The following ERC2 variants were observed in gnomAD, a reference collection of about 807,000 sequenced individuals.
ERC2 encodes ELKS/RAB6-interacting/CAST family member 2, also known as ERC protein 2.
In ERC2, 42 loss-of-function variants were observed where a neutral mutation model predicts 114.8. The observed-to-expected ratio is 0.37, with a 90% CI of 0.29 to 0.47. The LOEUF (loss-of-function observed/expected upper bound fraction) is 0.47, where lower values mean the gene tolerates loss of function less well. ERC2 is among the 20% of genes least tolerant of loss of function. The probability of loss-of-function intolerance (pLI) is 0.99; values close to 1 mark genes in which losing one functional copy is unlikely to be tolerated. For synonymous variants in ERC2, 454 were observed against 425.5 expected (o/e 1.07, Z -0.82); for missense variants, 939 against 1,150.7 (o/e 0.82, Z 2.66).
intron 17 of ERC2, among the ~76,000 whole-genome samples, chr3:55,587,739 G>A (rs1046107379): frequency 6.6e-6 from 1 of 152,188 alleles, no homozygotes; most frequent in Non-Finnish European, 1.5e-5. Context: ...TGCCTGCTGA[G>A]CTGGTGATAA....
Position 55,862,469 on chromosome 3 carries a change from A to T in ERC2, c.2564+25920T>A, listed in dbSNP as rs994335336. 2.6e-5 allele frequency among the ~76,000 whole-genome samples: 4 copies of T among 152,316 alleles called. No homozygotes were observed. In the South Asian group the frequency reaches 8.3e-4, roughly 32 times the overall value. ...AGAGCTGTGGCAGAAATTTTGCAAC[A>T]TGAAGACAAAAGCTGGCTATAACAG... On this transcript the variant is annotated intron_variant, in intron 14 of 17. Coordinates refer to ENST00000288221, the MANE Select transcript of ERC2 (RefSeq NM_015576.3).
At chr3:55,539,044 A>C (rs1265625188) in intron 17 of ERC2, among the ~76,000 whole-genome samples, 1 of 152,226 alleles carries the variant, frequency 6.6e-6, no homozygotes, top group Non-Finnish European at 1.5e-5. Context: ...TAATTACATA[A>C]TTTTCTGCAT....
chr3:56,435,392 C>G (rs975713686), intron 1 of ERC2, among the ~76,000 whole-genome samples: 3 of 152,056 alleles, frequency 2.0e-5, no homozygotes, highest in African/African-American at 4.8e-5. Flanking sequence ...TAAAAATTCT[C>G]AAAGTGAAAA....
intron 17 of ERC2, among the ~76,000 whole-genome samples, chr3:55,583,925 G>A (rs1278502008): frequency 2.0e-5 from 3 of 152,030 alleles, no homozygotes; most frequent in East Asian, 1.9e-4. Context: ...TAGGAGTCAA[G>A]CTCCCAAGAC....
chr3:56,452,665 A>G (rs2062873688), intron 1 of ERC2, among the ~76,000 whole-genome samples: 2 of 152,202 alleles, frequency 1.3e-5, no homozygotes, highest in Admixed American at 1.3e-4. Flanking sequence ...AGTCTGAGAA[A>G]CCTTGGTTAA....
intron 2 of ERC2, among the ~76,000 whole-genome samples, chr3:56,312,092 G>A (rs13100994): frequency 0.023 from 3,478 of 152,142 alleles, 64 homozygotes; most frequent in Non-Finnish European, 0.038. Context: ...GCAATACTAC[G>A]CCATTTTATG....
intron 4 of ERC2, among the ~76,000 whole-genome samples, chr3:56,150,323 A>G (rs1453233773): frequency 6.6e-6 from 1 of 152,132 alleles, no homozygotes; most frequent in Non-Finnish European, 1.5e-5. Context: ...TTATTTTCCT[A>G]TAATCTATGC....
chr3:56,148,089 C>T (rs566953185), intron 5 of ERC2, among the ~76,000 whole-genome samples: 1 of 152,200 alleles, frequency 6.6e-6, no homozygotes, highest in South Asian at 2.1e-4. Context: ...GATACTTAAT[C>T]AGACAAGGGA....
intron 6 of ERC2, among the ~76,000 whole-genome samples, chr3:56,114,739 G>T (rs9874507): frequency 0.17 from 25,312 of 152,108 alleles, 2,279 homozygotes; most frequent in African/African-American, 0.21. Flanking sequence ...GAAAGAGATC[G>T]GACCTAACCA....
At chr3:56,349,780 G>A (rs2058479223) in intron 2 of ERC2, among the ~76,000 whole-genome samples, 1 of 152,080 alleles carries the variant, frequency 6.6e-6, no homozygotes, top group African/African-American at 2.4e-5. Context: ...AGGCTTGGTG[G>A]CAGGCACCTG....
intron 3 of ERC2, among the ~76,000 whole-genome samples, chr3:56,253,532 T>A (rs2052322070): frequency 6.6e-6 from 1 of 152,212 alleles, no homozygotes; most frequent in South Asian, 2.1e-4. Flanking sequence ...GTTGACAAGC[T>A]TTTTTCCCAA....
rs2055096124 is a variant in ERC2 at position 55,550,577 on chromosome 3, T to C, written c.*40-39301A>G. Reference sequence around the variant, plus strand: ...TATGGATTCATAACAATGGATGTTATGAATTGTTCCTTGTTGCAGGGGATG... The same window carrying C: ...TATGGATTCATAACAATGGATGTTACGAATTGTTCCTTGTTGCAGGGGATG... On this transcript the variant is annotated intron_variant, in intron 17 of 17. Coordinates refer to ENST00000288221, the MANE Select transcript of ERC2 (RefSeq NM_015576.3). Among the ~76,000 whole-genome samples the C allele has an allele frequency of 2.0e-5, 3 of 152,326 alleles. No homozygotes were observed. The South Asian group carries it at 6.2e-4, about 32-fold the overall frequency.
At chr3:55,920,287 T>G (rs2065341486) in intron 13 of ERC2, among the ~76,000 whole-genome samples, 3 of 152,112 alleles carry the variant, frequency 2.0e-5, no homozygotes, top group Admixed American at 2.0e-4. Context: ...TTTCTGTATT[T>G]TCCATTATGT....
At chr3:56,370,254 T>C (rs1351976727) in intron 2 of ERC2, among the ~76,000 whole-genome samples, 1 of 152,216 alleles carries the variant, frequency 6.6e-6, no homozygotes, top group East Asian at 1.9e-4. Flanking sequence ...TTGCTAACTC[T>C]GGCAAAAGTT....
intron 5 of ERC2, among the ~76,000 whole-genome samples, chr3:56,145,031 T>A (rs144225567): frequency 6.6e-6 from 1 of 152,188 alleles, no homozygotes; most frequent in Non-Finnish European, 1.5e-5. Flanking sequence ...ATGAAGTCCA[T>A]GTGGACATCA....
chr3:55,860,828 A>G (rs554232705), intron 14 of ERC2, among the ~76,000 whole-genome samples: 3 of 152,316 alleles, frequency 2.0e-5, no homozygotes, highest in South Asian at 4.1e-4. Context: ...CATACATGAG[A>G]CTAAACACAG....
At chr3:55,629,476 C>G (rs9818576) in intron 17 of ERC2, among the ~76,000 whole-genome samples, 56,084 of 152,094 alleles carry the variant, frequency 0.37, 11,201 homozygotes, top group East Asian at 0.61. Context: ...GATTTTATTA[C>G]AGTAATTCAA....
chr3:55,934,985 A>C (rs374579209), intron 13 of ERC2, among the ~76,000 whole-genome samples: 1 of 152,212 alleles, frequency 6.6e-6, no homozygotes, highest in African/African-American at 2.4e-5. Flanking sequence ...CATAATCCCC[A>C]TTCTAAGCAG....
chr3:55,701,634 T>C (rs1392394062), intron 15 of ERC2, among the ~76,000 whole-genome samples: 1 of 152,096 alleles, frequency 6.6e-6, no homozygotes, highest in Non-Finnish European at 1.5e-5. Context: ...AGGCAACCTC[T>C]GGCAGCTGAG....
Sources: allele counts gnomAD v4.1 joint callset (sites outside exome capture counted in the v4.1 genomes callset), GRCh38; gene constraint gnomAD v4.1.1; transcripts MANE v1.5; gene names NCBI Gene and HGNC (gene_info 2026-07-23, HGNC 2026-07-21).